SLC30A4: variants seen among roughly 807,000 people sequenced by gnomAD.
SLC30A4 encodes the protein probable proton-coupled zinc antiporter SLC30A4.
Under a neutral mutation model 41.7 loss-of-function variants are expected in SLC30A4, and 20 were observed. That is an observed-to-expected ratio of 0.48 (90% CI 0.34 to 0.70). The LOEUF is 0.70. SLC30A4 is among the 30% of genes least tolerant of loss of function. The pLI is 0.01. For missense variants in SLC30A4, 441 were observed against 529.3 expected (o/e 0.83, Z 1.64); for synonymous variants, 181 against 195.9 (o/e 0.92, Z 0.64).
At chr15:45,504,752 G>A (rs1450373749) in intron 3 of SLC30A4, among the ~76,000 whole-genome samples, 2 of 152,014 alleles carry the variant, frequency 1.3e-5, no homozygotes, top group African/African-American at 4.8e-5. Flanking sequence ...TATAAAGTAG[G>A]CACTACTATT....
At chr15:45,507,357 T>TAAATA (rs778693344) in intron 3 of SLC30A4, among the ~76,000 whole-genome samples, 1 of 146,898 alleles carries the variant, frequency 6.8e-6, no homozygotes. Context: ...AATAAATAAA[T>TAAATA]AATAAATTTC....
chr15:45,520,742 G>A (rs753039537), intron 2 of SLC30A4: 14 of 213,488 alleles, frequency 6.6e-5, no homozygotes, highest in Non-Finnish European at 1.1e-4. Flanking sequence ...AAACTATTAG[G>A]ATACATCACA....
At chr15:45,505,732 G>T (rs1382825706) in intron 3 of SLC30A4, among the ~76,000 whole-genome samples, 1 of 152,114 alleles carries the variant, frequency 6.6e-6, no homozygotes, top group East Asian at 1.9e-4. Context: ...TGAGAAGCAG[G>T]ATATGAACAT....
chr15:45,511,819 T>C (rs970684166), intron 2 of SLC30A4, among the ~76,000 whole-genome samples: 2 of 152,074 alleles, frequency 1.3e-5, no homozygotes, highest in African/African-American at 4.8e-5. Context: ...CTGCAAGGAG[T>C]CAATGACCTT....
chr15:45,490,552 C>G (rs1353042311), intron 4 of SLC30A4, among the ~76,000 whole-genome samples, 176 bp downstream of exon 4: 1 of 152,152 alleles, frequency 6.6e-6, no homozygotes, highest in Non-Finnish European at 1.5e-5. Context: ...CTCCAATATA[C>G]CTGGGCAAAC....
chr15:45,490,144 T>C (rs1240319337), intron 4 of SLC30A4, among the ~76,000 whole-genome samples: 2 of 152,212 alleles, frequency 1.3e-5, no homozygotes, highest in Non-Finnish European at 2.9e-5. Context: ...CAGGCTGGAG[T>C]GCAGTGGCCC....
intron 3 of SLC30A4, among the ~76,000 whole-genome samples, chr15:45,508,762 T>G (rs963287072): frequency 3.3e-5 from 5 of 152,222 alleles, no homozygotes; most frequent in African/African-American, 1.2e-4. Flanking sequence ...AGATTTGACT[T>G]TCTATAGAAA....
intron 3 of SLC30A4, among the ~76,000 whole-genome samples, chr15:45,509,346 C>T (rs1015818313): frequency 1.3e-5 from 2 of 151,680 alleles, no homozygotes; most frequent in Non-Finnish European, 2.9e-5. Context: ...CTCCGCCTCC[C>T]GGGTTCAAGC....
In SLC30A4 at chr15:45,522,346, G is replaced by A. The variant is rs755960638; in HGVS notation, c.9C>T (p.Gly3=). ...ATTTGAGGCGCTTCCACGCGCCAGAGCCGGCCATGGCAGAGGCTGAGCGGC... is the reference window on the plus strand; with the variant it reads ...ATTTGAGGCGCTTCCACGCGCCAGAACCGGCCATGGCAGAGGCTGAGCGGC... MA[G]SGAWKRLKSM... Residue 3 remains glycine (G), a synonymous_variant, in exon 2 of 8, where the codon GGC becomes GGT. Transcript: ENST00000261867. 1 of 1,606,112 alleles carries A rather than the reference G, an allele frequency of 6.2e-7. No individual in the cohort carries two copies. Among genetic ancestry groups the A allele is most frequent in the South Asian group, 1.1e-5 (1 of 90,564 alleles).
rs1264924295 is a variant in SLC30A4 at position 45,521,963 on chromosome 15, C to T, written c.391+1G>A. 1 of 1,611,682 alleles carries T rather than the reference C, an allele frequency of 6.2e-7. No homozygotes were observed. The highest frequency in any genetic ancestry group is 2.2e-5 in the East Asian group (1 of 44,826). On this transcript the variant is annotated splice_donor_variant, in intron 2 of 7. Transcript: ENST00000261867. LOFTEE classifies it high-confidence loss of function. ...GAAAGTGAGTTGGCAACACAACTCACCTACAAGTTCTCCAATCATGAAAAG... is the reference window on the plus strand; with the variant it reads ...GAAAGTGAGTTGGCAACACAACTCATCTACAAGTTCTCCAATCATGAAAAG...
intron 3 of SLC30A4, among the ~76,000 whole-genome samples, chr15:45,493,443 C>A (rs942802538): frequency 6.6e-6 from 1 of 152,132 alleles, no homozygotes; most frequent in African/African-American, 2.4e-5. Context: ...TGGACTCTGA[C>A]ACATTTTCAT....
intron 4 of SLC30A4, among the ~76,000 whole-genome samples, 168 bp from the exon 5 acceptor site, chr15:45,489,210 T>C (rs541460401): frequency 5.3e-5 from 8 of 152,206 alleles, no homozygotes; most frequent in East Asian, 1.9e-4. Flanking sequence ...AGTGGTAAGA[T>C]AGACATATCC....
intron 2 of SLC30A4, among the ~76,000 whole-genome samples, chr15:45,520,516 C>G (rs1462428541): frequency 2.0e-5 from 3 of 152,122 alleles, no homozygotes; most frequent in Non-Finnish European, 4.4e-5. Context: ...CTCAGGTGAT[C>G]CACCCACCTC....
intron 3 of SLC30A4, among the ~76,000 whole-genome samples, chr15:45,504,952 C>G (rs1276550709): frequency 1.3e-5 from 2 of 151,946 alleles, no homozygotes; most frequent in African/African-American, 4.8e-5. Context: ...TACAATCAAC[C>G]GGGTATGGTG....
intron 2 of SLC30A4, chr15:45,520,869 T>C: frequency 2.7e-6 from 1 of 364,406 alleles, no homozygotes; most frequent in South Asian, 2.3e-5. Context: ...GTGTATTTCT[T>C]ACTACAGTGA....
chr15:45,507,484 G>T (rs1892186030), intron 3 of SLC30A4, among the ~76,000 whole-genome samples: 1 of 148,208 alleles, frequency 6.7e-6, no homozygotes. Flanking sequence ...TCCTGGTTCT[G>T]TTCTTTTCTT....
At chr15:45,510,564 A>C (rs1335338689) in intron 3 of SLC30A4, among the ~76,000 whole-genome samples, 1 of 152,238 alleles carries the variant, frequency 6.6e-6, no homozygotes, top group East Asian at 1.9e-4. Context: ...ATAAGCAAAA[A>C]ATTTAAAAAC....
At chr15:45,501,814 T>C (rs200188943) in intron 3 of SLC30A4, among the ~76,000 whole-genome samples, 1 of 152,298 alleles carries the variant, frequency 6.6e-6, no homozygotes, top group Non-Finnish European at 1.5e-5. Flanking sequence ...CAACAATTAG[T>C]GCCAGACACA....
chr15:45,521,155 T>C (rs1892654357), intron 2 of SLC30A4: 5 of 365,866 alleles, frequency 1.4e-5, no homozygotes, highest in South Asian at 1.1e-4. Context: ...CCTGCTTTTA[T>C]GTCACTTTGT....
Sources: allele counts gnomAD v4.1 joint callset (sites outside exome capture counted in the v4.1 genomes callset), GRCh38; gene constraint gnomAD v4.1.1; transcripts MANE v1.5; gene names NCBI Gene and HGNC (gene_info 2026-07-23, HGNC 2026-07-21).